Variants in LRP1 observed in about 807,000 individuals in gnomAD.
LRP1 encodes the protein LDL receptor related protein 1.
LRP1 carries 51 observed loss-of-function variants against 541.5 expected under a neutral mutation model. The ratio of observed to expected loss-of-function variants is 0.09; its 90% confidence interval spans 0.08 to 0.12. The LOEUF (loss-of-function observed/expected upper bound fraction) is 0.12, where lower values mean the gene tolerates loss of function less well. Ranked by LOEUF, LRP1 falls within the 10% of genes least tolerant of loss-of-function variation. The pLI is 1.00. For missense variants in LRP1, 3,878 were observed against 6,376.2 expected (o/e 0.61, Z 13.34); for synonymous variants, 2,219 against 2,470.8 (o/e 0.90, Z 3.02).
chr12:57,182,435 G>A (rs1055970442), intron 34 of LRP1, among the ~76,000 whole-genome samples: 2 of 150,016 alleles, frequency 1.3e-5, no homozygotes, highest in African/African-American at 4.9e-5. Flanking sequence ...CACTTGAACC[G>A]GGAAGGTTCA....
chr12:57,184,474 T>C lies in LRP1; in HGVS notation c.6186+22T>C, dbSNP rs1485846043. ...CCAGGTTCGCACGCCAACTTGGCCT[T>C]GGATCCGATGGTAGACCCCTGACCC... On this transcript the variant is annotated intron_variant, in intron 38 of 88. Transcript: ENST00000243077. The surrounding 1 kb of genome is among the most constrained non-coding windows in gnomAD (Gnocchi z 7.8). 3 of 1,613,952 alleles carry C rather than the reference T, an allele frequency of 1.9e-6. No homozygotes were observed. The highest frequency in any genetic ancestry group is 1.7e-5 in the Admixed American group (1 of 60,008).
chr12:57,133,458 C>T (rs1330203166), intron 1 of LRP1, among the ~76,000 whole-genome samples: 1 of 152,068 alleles, frequency 6.6e-6, no homozygotes, highest in Non-Finnish European at 1.5e-5. Flanking sequence ...GGCCCAGACT[C>T]AGGAATGACA....
intron 1 of LRP1, among the ~76,000 whole-genome samples, chr12:57,134,628 C>T (rs543143945): frequency 1.3e-5 from 2 of 152,160 alleles, no homozygotes; most frequent in East Asian, 3.9e-4. Context: ...AGTGATCCGC[C>T]CATCTCCGCC....
chr12:57,209,233 CTGTCCCCAGCCT>C, intron 79 of LRP1, 34 bp downstream of exon 79: 1 of 1,551,676 alleles, frequency 6.4e-7, no homozygotes, highest in East Asian at 2.3e-5. Flanking sequence ...GTCCCCAGCC[CTGTCCCCAGCCT>C]TGCCATCCTC....
intron 1 of LRP1, among the ~76,000 whole-genome samples, chr12:57,137,461 T>A (rs2035196286): frequency 1.3e-5 from 2 of 151,974 alleles, no homozygotes; most frequent in Non-Finnish European, 2.9e-5. Context: ...AATTCTGATA[T>A]CTTGAAAATC....
chr12:57,173,980 G>A lies in LRP1; in HGVS notation c.3547G>A (p.Asp1183Asn). The change falls in exon 22 of 89, where the codon GAC becomes AAC. Residue 1183 changes from aspartate to asparagine, a missense_variant and splice_region_variant. Asp to Asn is a conservative substitution (Grantham distance 23). Transcript: ENST00000243077. The surrounding 1 kb of genome is among the most constrained non-coding windows in gnomAD (Gnocchi z 4.7). The part of the protein sequence containing the change: ...GDGSDEGELC[D>N]QCSLNNGGCS... The stretch of plus-strand genomic sequence containing the variant: ...CGGCTCAGATGAGGGCGAGCTCTGC[G>A]GTGAGGCCTGGTCCCAGGAGAAGGG... 1 of 1,613,818 alleles carries A rather than the reference G, an allele frequency of 6.2e-7. No individual in the cohort carries two copies. Among genetic ancestry groups the A allele is most frequent in the Non-Finnish European group, 8.5e-7 (1 of 1,179,956 alleles).
At chr12:57,208,971 CTG>C (rs1281328654) in intron 78 of LRP1, 110 bp from the exon 79 acceptor site, 1 of 1,059,830 alleles carries the variant, frequency 9.4e-7, no homozygotes, top group East Asian at 2.4e-5. Context: ...AAAGAGGTGA[CTG>C]TGAGTGGCGT....
At chr12:57,134,854 T>C (rs1252555368) in intron 1 of LRP1, among the ~76,000 whole-genome samples, 1 of 152,168 alleles carries the variant, frequency 6.6e-6, no homozygotes, top group Non-Finnish European at 1.5e-5. Flanking sequence ...TACAGGCGCC[T>C]GCCACCACGC....
rs780834112 is a variant in LRP1 at position 57,195,430 on chromosome 12, A to G, written c.8437+31A>G. 17 of 1,597,352 alleles carry G rather than the reference A, an allele frequency of 1.1e-5. No homozygotes were observed. The Admixed American group carries it at 2.2e-4, about 20-fold the overall frequency. On this transcript the variant is annotated intron_variant, in intron 52 of 88. Coordinates refer to ENST00000243077, the MANE Select transcript of LRP1 (RefSeq NM_002332.3). ...TGGCGGGGCCACGTGGAGCGGGTGG[A>G]CAGCAAATGGCCACAGTCTCACTTT...
In LRP1 at chr12:57,177,689, G is replaced by T. The variant is rs1487675052; in HGVS notation, c.4361+98G>T. ...ATGAGGGTGATGAGAAGGACCAAGG[G>T]ATCTAGAACTAGGAACGGTGGCAAA... On this transcript the variant is annotated intron_variant, in intron 26 of 88. Transcript: ENST00000243077. This position sits in a 1 kb window ranked among gnomAD's most constrained non-coding sequence, Gnocchi z 6.8. 4 of 1,379,932 alleles carry T rather than the reference G, an allele frequency of 2.9e-6. No homozygotes were observed. The highest frequency in any genetic ancestry group is 1.4e-5 in the African/African-American group (1 of 70,068). 85.5% of individuals were successfully genotyped at this position (1,379,932 alleles called of 1,614,324 possible).
At position 57,193,930 on chromosome 12, in the gene LRP1, C is replaced by T; in HGVS notation, c.7836C>T (p.Cys2612=). ...CCTGTGGTGTGGGCGAGTTCCGCTG[C>T]CGGGACGGGACCTGCATCGGGAACT... ...KTACGVGEFR[C]RDGTCIGNSS... Residue 2612 remains cysteine, a synonymous_variant, in exon 48 of 89, where the codon TGC becomes TGT. Coordinates refer to ENST00000243077, the MANE Select transcript of LRP1 (RefSeq NM_002332.3). The T allele has an allele frequency of 6.2e-7, 1 of 1,614,118 alleles. No individual in the cohort carries two copies. The highest frequency in any genetic ancestry group is 1.3e-5 in the African/African-American group (1 of 75,062).
chr12:57,196,566 G>A (rs1480877573), intron 55 of LRP1, among the ~76,000 whole-genome samples: 1 of 152,184 alleles, frequency 6.6e-6, no homozygotes, highest in Non-Finnish European at 1.5e-5. Context: ...GGAAGTCTGG[G>A]AGTTATCACC....
In LRP1 at chr12:57,204,242, G is replaced by C. The variant is rs976742352; in HGVS notation, c.10952-168G>C. The C allele has an allele frequency of 6.8e-6, 5 of 738,960 alleles. No individual in the cohort carries two copies. The African/African-American group carries it at 8.8e-5, about 13-fold the overall frequency. The allele number at this position is 738,960 out of a possible 1,614,324, so 45.8% of individuals were successfully genotyped here. A position where few individuals can be genotyped will look rare whatever the true frequency, so the allele number is the denominator to read the frequency against. On this transcript the variant is annotated intron_variant, in intron 70 of 88. Coordinates refer to ENST00000243077, the MANE Select transcript of LRP1 (RefSeq NM_002332.3). The surrounding 1 kb of genome is among the most constrained non-coding windows in gnomAD (Gnocchi z 5.3). ...ATGGCCTCTTCTCCCCTAAATACCAGAGGGGGCAGTTTGGCCCCACCAAGT... is the reference window on the plus strand; with the variant it reads ...ATGGCCTCTTCTCCCCTAAATACCACAGGGGGCAGTTTGGCCCCACCAAGT...
Position 57,196,206 on chromosome 12 carries a change from A to G in LRP1, c.8821A>G (p.Ile2941Val), listed in dbSNP as rs2036530152. The change falls in exon 55 of 89, where the codon ATC becomes GTC. Residue 2941 changes from isoleucine to valine, a missense_variant. Transcript: ENST00000243077. ...GDSSDERGCH[I>V]NECLSRKLSG... is the part of the protein sequence containing the mutation. Reference sequence around the variant, plus strand: ...CAGCTCGGACGAGCGTGGCTGCCACATCAATGAGTGTCTCAGCCGCAAGCT... The same window carrying G: ...CAGCTCGGACGAGCGTGGCTGCCACGTCAATGAGTGTCTCAGCCGCAAGCT... 1.2e-6 allele frequency: 2 copies of G among 1,612,666 alleles called. No homozygotes were observed. The highest frequency in any genetic ancestry group is 1.7e-6 in the Non-Finnish European group (2 of 1,179,368).
chr12:57,196,023 C>T lies in LRP1; in HGVS notation c.8701+20C>T, dbSNP rs920082667. 8 of 1,611,906 alleles carry T rather than the reference C, an allele frequency of 5.0e-6. No homozygotes were observed. Among genetic ancestry groups the T allele is most frequent in the Non-Finnish European group, 6.8e-6 (8 of 1,179,740 alleles). ...GCCAAGGTGGGCCCCAGACCTGGCTCCCCTCTGCCCCCTCCCCAGACTGCC... is the reference window on the plus strand; with the variant it reads ...GCCAAGGTGGGCCCCAGACCTGGCTTCCCTCTGCCCCCTCCCCAGACTGCC... On this transcript the variant is annotated intron_variant, in intron 54 of 88. Transcript: ENST00000243077.
At chr12:57,195,181 C>T in intron 51 of LRP1, 80 bp downstream of exon 51, 2 of 1,577,298 alleles carry the variant, frequency 1.3e-6, no homozygotes, top group South Asian at 2.2e-5. Flanking sequence ...CACACAGACA[C>T]CCCTGCAGAC....
chr12:57,174,744 G>A (rs1471529926), intron 22 of LRP1, among the ~76,000 whole-genome samples: 3 of 152,184 alleles, frequency 2.0e-5, no homozygotes, highest in African/African-American at 4.8e-5. Flanking sequence ...CAGCCTGGGC[G>A]ACAGAGCAAG....
At position 57,198,577 on chromosome 12, in the gene LRP1, A is replaced by G. The variant is rs554223507; in HGVS notation, c.9583A>G (p.Thr3195Ala). 2.5e-6 allele frequency: 4 copies of G among 1,613,942 alleles called. No homozygotes were observed. The South Asian group carries it at 4.4e-5, about 18-fold the overall frequency. ...DTKITWPNGL[T>A]LDYVTERIYW... ...CAAGATCACATGGCCCAATGGCCTG[A>G]CGCTGGACTATGTCACTGAGCGCAT... Residue 3195 changes from threonine (T) to alanine (A), a missense_variant, in exon 60 of 89, where the codon ACG becomes GCG. Coordinates refer to ENST00000243077, the MANE Select transcript of LRP1 (RefSeq NM_002332.3).
chr12:57,169,429 C>A, intron 20 of LRP1, 122 bp downstream of exon 20: 2 of 945,234 alleles, frequency 2.1e-6, no homozygotes, highest in Non-Finnish European at 3.1e-6. Context: ...CAGAGGTAGC[C>A]TAGGCATGGC....
Sources: allele counts gnomAD v4.1 joint callset (sites outside exome capture counted in the v4.1 genomes callset), GRCh38; gene constraint gnomAD v4.1.1; non-coding constraint Gnocchi (gnomAD v3.1); transcripts MANE v1.5; gene names NCBI Gene and HGNC (gene_info 2026-07-23, HGNC 2026-07-21).